Variants in PMPCB observed in about 807,000 individuals in gnomAD.
PMPCB encodes peptidase, mitochondrial processing subunit beta.
Under a neutral mutation model 61.5 loss-of-function variants are expected in PMPCB, and 46 were observed. That is an observed-to-expected ratio of 0.75 (90% CI 0.59 to 0.96). PMPCB has a LOEUF of 0.96. PMPCB is among the 40% of genes least tolerant of loss of function. PMPCB has a pLI of 0.00. For synonymous variants in PMPCB, 191 were observed against 201.6 expected (o/e 0.95, Z 0.44); for missense variants, 590 against 602.4 (o/e 0.98, Z 0.22).
intron 4 of PMPCB, among the ~76,000 whole-genome samples, chr7:103,303,197 A>G (rs1563445849): frequency 6.6e-6 from 1 of 152,158 alleles, no homozygotes; most frequent in Non-Finnish European, 1.5e-5. Flanking sequence ...GCTCACTGCA[A>G]TCTTTGCCTC....
At chr7:103,323,668 T>C in intron 12 of PMPCB, 3 of 1,407,016 alleles carry the variant, frequency 2.1e-6, no homozygotes, top group Non-Finnish European at 2.9e-6. Flanking sequence ...TTATACCTAA[T>C]ATAGACAGAA....
the PMPCB span, chr7:103,344,272 T>G: frequency 2.0e-6 from 1 of 508,778 alleles, no homozygotes; most frequent in Non-Finnish European, 3.5e-6. Context: ...CTTTCTGGGG[T>G]GCTGGGGGGT....
chr7:103,323,760 C>A lies in PMPCB; in HGVS notation c.*1432-5171C>A, dbSNP rs571669818. On this transcript the variant is annotated intron_variant and NMD_transcript_variant, in intron 12 of 12. Coordinates refer to the PMPCB transcript ENST00000444457. ...TGAATTTGTTTTAATGGATACCTTT[C>A]CTTCCCTTCTAGTATTGAACTAAGG... 1.8e-5 allele frequency: 17 copies of A among 946,400 alleles called. No individual in the cohort carries two copies. In the East Asian group the frequency reaches 5.4e-4, roughly 30 times the overall value. 58.6% of individuals were successfully genotyped at this position (946,400 alleles called of 1,614,324 possible). A position where few individuals can be genotyped will look rare whatever the true frequency, so the allele number is the denominator to read the frequency against.
chr7:103,336,055 T>C, the PMPCB span: 1 of 152,252 alleles, frequency 6.6e-6, no homozygotes, highest in African/African-American at 2.4e-5. Context: ...TAATCCCAGC[T>C]ACTCAAGAGG....
chr7:103,303,474 G>A (rs1817501223), intron 4 of PMPCB, among the ~76,000 whole-genome samples: 1 of 152,162 alleles, frequency 6.6e-6, no homozygotes, highest in African/African-American at 2.4e-5. Context: ...AAATACTTGG[G>A]TGATACAAAC....
rs1208863833 is a variant in PMPCB at position 103,312,224 on chromosome 7, C to G, written c.1423C>G (p.Pro475Ala). 6.2e-7 allele frequency: 1 copy of G among 1,613,390 alleles called. No homozygotes were observed. The highest frequency in any genetic ancestry group is 8.5e-7 in the Non-Finnish European group (1 of 1,179,896). ...IAAVGPIKQL[P>A]DFKQIRSNMC... ...ATCCTTAGGTCCCATTAAGCAACTACCAGATTTTAAACAGATACGCAGTAA... is the reference window on the plus strand; with the variant it reads ...ATCCTTAGGTCCCATTAAGCAACTAGCAGATTTTAAACAGATACGCAGTAA... Residue 475 changes from proline to alanine, a missense_variant, in exon 13 of 13, where the codon CCA (proline) becomes GCA (alanine). Transcript: ENST00000249269.
chr7:103,347,524 G>A, the PMPCB span: 2 of 578,688 alleles, frequency 3.5e-6, no homozygotes, highest in South Asian at 2.1e-5. Context: ...CTTCTCACAG[G>A]TAATCAGTCC....
chr7:103,344,405 A>T, the PMPCB span: 2 of 767,068 alleles, frequency 2.6e-6, no homozygotes, highest in Non-Finnish European at 4.3e-6. Context: ...GGATTACTTT[A>T]AAACACGGAG....
At chr7:103,308,340 G>A (rs1334019436) in intron 7 of PMPCB, among the ~76,000 whole-genome samples, 1 of 152,212 alleles carries the variant, frequency 6.6e-6, no homozygotes, top group East Asian at 1.9e-4. Flanking sequence ...TTCAGATTGA[G>A]GCCGGGTGCG....
At chr7:103,316,623 T>A, downstream of PMPCB, 1 of 509,160 alleles carries the variant, frequency 2.0e-6, no homozygotes, top group Non-Finnish European at 3.4e-6. Context: ...GAAACAAGTA[T>A]TCTGTCATAT....
the PMPCB span, among the ~76,000 whole-genome samples, chr7:103,342,386 G>A: frequency 2.0e-5 from 3 of 150,378 alleles, no homozygotes; most frequent in East Asian, 2.0e-4. Context: ...GCTCAATGCC[G>A]TCTCCACCTC....
At chr7:103,341,315 T>C in the PMPCB span, among the ~76,000 whole-genome samples, 4 of 152,346 alleles carry the variant, frequency 2.6e-5, no homozygotes, top group South Asian at 8.3e-4. Context: ...TAATTCCTTC[T>C]TTAGCATGGT....
the PMPCB span, among the ~76,000 whole-genome samples, chr7:103,340,162 T>TA: frequency 6.6e-6 from 1 of 152,222 alleles, no homozygotes; most frequent in Non-Finnish European, 1.5e-5. Context: ...GCTCCTCCCT[T>TA]AGTTTCTGGA....
At chr7:103,345,031 A>AACCT in the PMPCB span, 5 of 368,298 alleles carry the variant, frequency 1.4e-5, no homozygotes, top group Non-Finnish European at 2.4e-5. Flanking sequence ...TATTAATCTG[A>AACCT]ACCTAATCAG....
chr7:103,339,407 G>A, the PMPCB span, among the ~76,000 whole-genome samples: 1 of 152,038 alleles, frequency 6.6e-6, no homozygotes, highest in Admixed American at 6.5e-5. Flanking sequence ...GTCTTTTCCC[G>A]ACTCTGCCTT....
intron 6 of PMPCB, among the ~76,000 whole-genome samples, chr7:103,305,616 TG>T (rs1298148797): frequency 6.6e-6 from 1 of 152,206 alleles, no homozygotes; most frequent in Admixed American, 6.5e-5. Flanking sequence ...TGTTCTTTCG[TG>T]TTGTAAATTT....
At chr7:103,344,746 C>G in the PMPCB span, 7 of 983,906 alleles carry the variant, frequency 7.1e-6, no homozygotes, top group Non-Finnish European at 1.1e-5. Flanking sequence ...CGCCCAGGAA[C>G]CGGCGCATGG....
At chr7:103,330,612 C>T (rs140254804), downstream of PMPCB, among the ~76,000 whole-genome samples, 446 of 152,042 alleles carry the variant, frequency 2.9e-3, 2 homozygotes, top group African/African-American at 0.01. Flanking sequence ...CCACTACGCC[C>T]GGCTAATTTT....
chr7:103,319,684 GAA>G, downstream of PMPCB: 5 of 1,597,832 alleles, frequency 3.1e-6, no homozygotes, highest in Non-Finnish European at 4.3e-6. Context: ...GTAAGCTAAA[GAA>G]AAAAAAAGAA....
Sources: allele counts gnomAD v4.1 joint callset (sites outside exome capture counted in the v4.1 genomes callset), GRCh38; gene constraint gnomAD v4.1.1; transcripts MANE v1.5; gene names NCBI Gene and HGNC (gene_info 2026-07-23, HGNC 2026-07-21).